Variants in MAF observed in about 807,000 individuals in gnomAD.
MAF encodes the protein transcription factor Maf.
In MAF, 10 loss-of-function variants were observed where a neutral mutation model predicts 22.0. That is an observed-to-expected ratio of 0.45 (90% CI 0.28 to 0.77). MAF has a LOEUF of 0.77. MAF is among the 30% of genes least tolerant of loss of function. MAF has a pLI of 0.12. For synonymous variants in MAF, 337 were observed against 255.8 expected, an observed-to-expected ratio of 1.32 and a Z score of -3.03; for missense variants, 544 against 548.4, an observed-to-expected ratio of 0.99 and a Z score of 0.08.
At chr16:79,416,407 A>T in the MAF span, among the ~76,000 whole-genome samples, 31 of 151,184 alleles carry the variant, frequency 2.1e-4, 1 homozygote, top group South Asian at 6.5e-3. Flanking sequence ...ACTCTTACAA[A>T]CTCTTCGAAA....
chr16:79,308,383 G>C, the MAF span, among the ~76,000 whole-genome samples: 1 of 152,272 alleles, frequency 6.6e-6, no homozygotes, highest in African/African-American at 2.4e-5. Flanking sequence ...TTTGGCCTCT[G>C]GGAGGCACCT....
chr16:79,233,693 T>C, the MAF span, among the ~76,000 whole-genome samples: 1 of 151,962 alleles, frequency 6.6e-6, no homozygotes, highest in African/African-American at 2.4e-5. Flanking sequence ...GACAAGCAGA[T>C]TCAAGAATAA....
At chr16:79,269,832 C>G in the MAF span, among the ~76,000 whole-genome samples, 31 of 152,124 alleles carry the variant, frequency 2.0e-4, no homozygotes, top group Non-Finnish European at 3.7e-4. Flanking sequence ...GACCTACTTT[C>G]TATTTTATAG....
chr16:79,533,881 T>G, the MAF span, among the ~76,000 whole-genome samples: 2 of 152,298 alleles, frequency 1.3e-5, 1 homozygote, highest in East Asian at 3.9e-4. Context: ...CAATAACTGC[T>G]TAATGTCAGT....
chr16:79,585,769 G>A (rs181500000), downstream of MAF: 3 of 573,148 alleles, frequency 5.2e-6, no homozygotes, highest in Non-Finnish European at 9.1e-6. Flanking sequence ...CACCTAAAAA[G>A]TTAGCAGCAT....
the MAF span, among the ~76,000 whole-genome samples, chr16:79,311,245 C>T: frequency 6.6e-6 from 1 of 152,082 alleles, no homozygotes; most frequent in African/African-American, 2.4e-5. Context: ...ACTCCTACTT[C>T]ATTTTTCCTT....
At chr16:79,467,393 G>A in the MAF span, among the ~76,000 whole-genome samples, 1 of 152,226 alleles carries the variant, frequency 6.6e-6, no homozygotes, top group Admixed American at 6.5e-5. Flanking sequence ...CATGCATTGA[G>A]TGCTTATTGT....
chr16:79,213,029 A>AAT, the MAF span: 1 of 91,964 alleles, frequency 1.1e-5, no homozygotes, highest in Non-Finnish European at 2.7e-5. Flanking sequence ...GCAAGTACTT[A>AAT]GTGATTAGCG....
the MAF span, among the ~76,000 whole-genome samples, chr16:79,241,846 C>A: frequency 3.3e-5 from 5 of 152,084 alleles, no homozygotes; most frequent in Non-Finnish European, 7.4e-5. Flanking sequence ...GCAAATCTCT[C>A]TGCAAAAACA....
the MAF span, among the ~76,000 whole-genome samples, chr16:79,207,105 G>T: frequency 2.0e-5 from 3 of 152,210 alleles, no homozygotes; most frequent in Admixed American, 6.5e-5. Context: ...AAGACAGGGC[G>T]TGTAGACGGC....
At chr16:79,480,224 G>A in the MAF span, among the ~76,000 whole-genome samples, 2 of 152,084 alleles carry the variant, frequency 1.3e-5, no homozygotes, top group African/African-American at 2.4e-5. Context: ...CATGGCACAC[G>A]GAAAGGACTG....
At chr16:79,379,697 C>T in the MAF span, among the ~76,000 whole-genome samples, 1 of 152,164 alleles carries the variant, frequency 6.6e-6, no homozygotes, top group African/African-American at 2.4e-5. Flanking sequence ...GAGTCTTGAT[C>T]TTTCTGCTCC....
the MAF span, among the ~76,000 whole-genome samples, chr16:79,461,636 G>C: frequency 6.6e-6 from 1 of 152,176 alleles, no homozygotes; most frequent in Non-Finnish European, 1.5e-5. Flanking sequence ...AGAAGAACTA[G>C]TTTTGTTAAG....
At chr16:79,505,765 G>C in the MAF span, 1 of 152,292 alleles carries the variant, frequency 6.6e-6, no homozygotes, top group Non-Finnish European at 1.5e-5. Context: ...CCCTTGGAAG[G>C]CTGGAAGGCC....
chr16:79,510,058 A>G, the MAF span, among the ~76,000 whole-genome samples: 4 of 152,218 alleles, frequency 2.6e-5, no homozygotes, highest in African/African-American at 7.2e-5. Context: ...TCAGGTTTGT[A>G]AGAAACTCTG....
chr16:79,350,307 T>C, the MAF span, among the ~76,000 whole-genome samples: 2 of 152,188 alleles, frequency 1.3e-5, no homozygotes, highest in Non-Finnish European at 1.5e-5. Flanking sequence ...GCCTTGGAGT[T>C]ACTGACTCAT....
the MAF span, among the ~76,000 whole-genome samples, chr16:79,219,645 G>A: frequency 2.0e-5 from 3 of 151,228 alleles, no homozygotes; most frequent in Non-Finnish European, 4.4e-5. Context: ...TGAATCGTGG[G>A]GTCACCACTT....
chr16:79,501,641 T>C, the MAF span, among the ~76,000 whole-genome samples: 2 of 152,194 alleles, frequency 1.3e-5, no homozygotes, highest in East Asian at 1.9e-4. Flanking sequence ...GCTGAAATTA[T>C]GCTGACTGTC....
At chr16:79,462,684 C>T in the MAF span, among the ~76,000 whole-genome samples, 3 of 152,320 alleles carry the variant, frequency 2.0e-5, no homozygotes, top group South Asian at 2.1e-4. Flanking sequence ...AAGGGAATTT[C>T]GTCCACTTGG....
Sources: allele counts gnomAD v4.1 joint callset (sites outside exome capture counted in the v4.1 genomes callset), GRCh38; gene constraint gnomAD v4.1.1; transcripts MANE v1.5; gene names NCBI Gene and HGNC (gene_info 2026-07-23, HGNC 2026-07-21).